Variants in TRIM67 observed in about 807,000 individuals in gnomAD.
TRIM67 encodes the protein tripartite motif-containing protein 67.
In TRIM67, 39 loss-of-function variants were observed where a neutral mutation model predicts 71.0. That is an observed-to-expected ratio of 0.55 (90% CI 0.43 to 0.72). The LOEUF (loss-of-function observed/expected upper bound fraction) is 0.72. Among genes scored for constraint, TRIM67 ranks in the 30% least tolerant of loss-of-function variants. The probability of loss-of-function intolerance (pLI) is 0.00; values close to 1 mark genes in which losing one functional copy is unlikely to be tolerated. For missense variants in TRIM67, 973 were observed against 1,079.2 expected (o/e 0.90, Z 1.38); for synonymous variants, 481 against 473.9 (o/e 1.01, Z -0.19).
At chr1:231,170,376 A>G (rs1682592543) in intron 1 of TRIM67, among the ~76,000 whole-genome samples, 1 of 152,220 alleles carries the variant, frequency 6.6e-6, no homozygotes, top group Admixed American at 6.5e-5. Flanking sequence ...CAGAAACTTG[A>G]GTTGCTTTAT....
At chr1:231,177,245 A>AT (rs1258354487) in intron 1 of TRIM67, among the ~76,000 whole-genome samples, 1 of 152,204 alleles carries the variant, frequency 6.6e-6, no homozygotes, top group Non-Finnish European at 1.5e-5. Context: ...GTTTCAAAGG[A>AT]TTGGAAGGAT....
chr1:231,185,214 C>A (rs1213719141), intron 1 of TRIM67: 1 of 1,533,012 alleles, frequency 6.5e-7, no homozygotes, highest in Non-Finnish European at 8.7e-7. Context: ...TCAGGATTCC[C>A]AGAGCCTTTA....
At position 231,219,687 on chromosome 1, in the gene TRIM67, G is replaced by A. The variant is rs1684095170; in HGVS notation, c.*4247G>A. The A allele has an allele frequency of 8.4e-7, 1 of 1,184,498 alleles. No homozygotes were observed. The highest frequency in any genetic ancestry group is 5.9e-5 in the East Asian group (1 of 16,924). The allele number at this position is 1,184,498 out of a possible 1,614,324, so 73.4% of individuals were successfully genotyped here. On this transcript the variant is annotated 3_prime_UTR_variant, in exon 10 of 10. Coordinates refer to ENST00000366653, the MANE Select transcript of TRIM67 (RefSeq NM_001004342.5). ...AACAGGAACTTCTTAATGGGTTTGT[G>A]GCCCTCAATTGGTTTTTAAAAAAAT... is the stretch of plus-strand genomic sequence containing the variant.
rs527921009 is a variant in TRIM67, at chr1:231,194,449, G to A, written c.1045-2922G>A. 4.1e-4 allele frequency among the ~76,000 whole-genome samples: 62 copies of A among 152,174 alleles called. 1 individual carries two copies. The highest frequency in any genetic ancestry group is 1.2e-3 in the South Asian group (6 of 4,826). On this transcript the variant is annotated intron_variant, in intron 1 of 9. Transcript: ENST00000366653. ...GATAAAGGTTCATTGGAAGCCAAGT[G>A]TGAGGCTCGACTGGGGAAGACACAC...
intron 8 of TRIM67, among the ~76,000 whole-genome samples, chr1:231,210,073 G>A (rs922180638): frequency 1.3e-5 from 2 of 152,220 alleles, no homozygotes; most frequent in Admixed American, 1.3e-4. Context: ...CACCTGGCCA[G>A]CATGTGGGGA....
At chr1:231,207,982 G>A (rs910976103) in intron 7 of TRIM67, among the ~76,000 whole-genome samples, 2 of 151,292 alleles carry the variant, frequency 1.3e-5, no homozygotes, top group Non-Finnish European at 2.9e-5. Context: ...CCATGAGGTG[G>A]CTCATCAATA....
At chr1:231,186,531 C>A (rs910802457) in intron 1 of TRIM67, among the ~76,000 whole-genome samples, 8 of 152,176 alleles carry the variant, frequency 5.3e-5, no homozygotes, top group African/African-American at 1.9e-4. Context: ...TCTCTCCCAG[C>A]TCCTTGTAGA....
intron 1 of TRIM67, among the ~76,000 whole-genome samples, chr1:231,174,517 T>A (rs1244879572): frequency 1.3e-5 from 2 of 152,174 alleles, no homozygotes; most frequent in African/African-American, 4.8e-5. Context: ...TGTTTCTTTG[T>A]GTTACAGTTG....
At chr1:231,188,402 G>A (rs2102736451) in intron 1 of TRIM67, among the ~76,000 whole-genome samples, 1 of 152,330 alleles carries the variant, frequency 6.6e-6, no homozygotes, top group South Asian at 2.1e-4. Context: ...ATCATTGGCA[G>A]ACAGGCAACC....
At position 231,162,826 on chromosome 1, in the gene TRIM67, C is replaced by T; in HGVS notation, c.-144C>T. 1.9e-6 allele frequency: 2 copies of T among 1,061,398 alleles called. No individual in the cohort carries two copies. The highest frequency in any genetic ancestry group is 2.7e-6 in the Non-Finnish European group (2 of 752,882). 65.7% of individuals were successfully genotyped at this position (1,061,398 alleles called of 1,614,324 possible). A position where few individuals can be genotyped will look rare whatever the true frequency, so the allele number is the denominator to read the frequency against. ...CTACAGGACAGAGAGAGGGGCGTGC[C>T]CCTCGGCTGTGAAGTGGGCATGCCC... On this transcript the variant is annotated 5_prime_UTR_variant, in exon 1 of 10. Transcript: ENST00000366653.
Position 231,215,945 on chromosome 1 carries a change from A to G in TRIM67, c.*505A>G. On this transcript the variant is annotated 3_prime_UTR_variant, in exon 10 of 10. Transcript: ENST00000366653. Reference sequence around the variant, plus strand: ...CATCATGCTGAGAAAGTTATCTTTTAGCTTCTTGGTCCTAGAGTCTTTAGT... The same window carrying G: ...CATCATGCTGAGAAAGTTATCTTTTGGCTTCTTGGTCCTAGAGTCTTTAGT... 1 of 987,270 alleles carries G rather than the reference A, an allele frequency of 1.0e-6. No homozygotes were observed. The highest frequency in any genetic ancestry group is 1.1e-4 in the East Asian group (1 of 8,890). The allele number at this position is 987,270 out of a possible 1,614,324, so 61.2% of individuals were successfully genotyped here. A position where few individuals can be genotyped will look rare whatever the true frequency, so the allele number is the denominator to read the frequency against.
intron 1 of TRIM67, among the ~76,000 whole-genome samples, chr1:231,178,579 G>A (rs1324945282): frequency 6.6e-6 from 1 of 152,226 alleles, no homozygotes; most frequent in Non-Finnish European, 1.5e-5. Context: ...GGGCTAAGAA[G>A]CAGCGTTTAA....
At chr1:231,195,868 A>C (rs550224634) in intron 1 of TRIM67, among the ~76,000 whole-genome samples, 2 of 152,370 alleles carry the variant, frequency 1.3e-5, no homozygotes, top group East Asian at 3.9e-4. Context: ...GAGACGGTGC[A>C]CTTCAACAAA....
intron 1 of TRIM67, among the ~76,000 whole-genome samples, chr1:231,181,717 CTCCCTGAGCTGTAGAGAGGTAG>C (rs1682911823): frequency 6.6e-6 from 1 of 151,952 alleles, no homozygotes; most frequent in Non-Finnish European, 1.5e-5. Context: ...TTTTGCTTGA[CTCCCTGAGCTGTAGAGAGGTAG>C]ACATTCCCAC....
At chr1:231,197,546 C>T (rs1488812438) in intron 2 of TRIM67, 80 bp downstream of exon 2, 41 of 1,375,832 alleles carry the variant, frequency 3.0e-5, no homozygotes, top group East Asian at 1.9e-4. Context: ...AAGAAAGAGG[C>T]GGGGCACGGT....
At chr1:231,202,034 G>GGAGATGGAGGAGGAGGAA (rs1298637054) in intron 5 of TRIM67, among the ~76,000 whole-genome samples, 1 of 152,306 alleles carries the variant, frequency 6.6e-6, no homozygotes, top group Non-Finnish European at 1.5e-5. Flanking sequence ...CAGAGGAGGA[G>GGAGATGGAGGAGGAGGAA]GAGGTGGAGG....
Position 231,217,994 on chromosome 1 carries a change from G to A in TRIM67, c.*2554G>A. 1 of 1,211,488 alleles carries A rather than the reference G, an allele frequency of 8.3e-7. No individual in the cohort carries two copies. 75.0% of individuals were successfully genotyped at this position (1,211,488 alleles called of 1,614,324 possible). On this transcript the variant is annotated 3_prime_UTR_variant, in exon 10 of 10. Transcript: ENST00000366653. Reference sequence around the variant, plus strand: ...TTCTGACTCCTCCAGGAGCCCAGAAGCAATACGGCCGATGCCAGGGACAGC... The same window carrying A: ...TTCTGACTCCTCCAGGAGCCCAGAAACAATACGGCCGATGCCAGGGACAGC...
chr1:231,205,909 G>T (rs1348999037), intron 6 of TRIM67, among the ~76,000 whole-genome samples: 3 of 152,122 alleles, frequency 2.0e-5, no homozygotes, highest in African/African-American at 4.8e-5. Flanking sequence ...TTGTTGACCA[G>T]GTAGACCTTG....
intron 3 of TRIM67, among the ~76,000 whole-genome samples, chr1:231,199,859 G>T (rs1683472124): frequency 6.6e-6 from 1 of 152,244 alleles, no homozygotes; most frequent in African/African-American, 2.4e-5. Context: ...GTGGCTGATT[G>T]TATGGAGAGT....
Sources: allele counts gnomAD v4.1 joint callset (sites outside exome capture counted in the v4.1 genomes callset), GRCh38; gene constraint gnomAD v4.1.1; transcripts MANE v1.5; gene names NCBI Gene and HGNC (gene_info 2026-07-23, HGNC 2026-07-21).